Variants in BCL6 observed in about 807,000 individuals in gnomAD.
BCL6 encodes the protein B-cell lymphoma 6 protein.
A neutral mutation model predicts 59.5 loss-of-function variants in BCL6; 7 were observed. That is an observed-to-expected ratio of 0.12 (90% CI 0.07 to 0.22). The LOEUF (loss-of-function observed/expected upper bound fraction) is 0.22, where lower values mean the gene tolerates loss of function less well. Among genes scored for constraint, BCL6 ranks in the 10% least tolerant of loss-of-function variants. BCL6 has a pLI of 1.00. For missense variants in BCL6, 685 were observed against 939.4 expected, an observed-to-expected ratio of 0.73 and a Z score of 3.54; for synonymous variants, 339 against 349.7, an observed-to-expected ratio of 0.97 and a Z score of 0.34.
intron 1 of BCL6, among the ~76,000 whole-genome samples, chr3:187,738,331 C>G (rs569296975): frequency 6.6e-6 from 1 of 152,320 alleles, no homozygotes; most frequent in East Asian, 1.9e-4. Flanking sequence ...GGCTGAGGGT[C>G]TCCATCATAG....
intron 6 of BCL6, among the ~76,000 whole-genome samples, chr3:187,728,014 T>G (rs890231877): frequency 6.6e-6 from 1 of 152,140 alleles, no homozygotes; most frequent in Non-Finnish European, 1.5e-5. Flanking sequence ...GAGAATAACA[T>G]GCACACAGGT....
intron 1 of BCL6, among the ~76,000 whole-genome samples, 156 bp downstream of exon 1, chr3:187,745,254 A>C (rs537305025): frequency 1.3e-5 from 2 of 152,268 alleles, no homozygotes; most frequent in South Asian, 2.1e-4. Context: ...ATACACATAG[A>C]AAACTTGGAG....
Position 187,732,067 on chromosome 3 carries a change from T to C in BCL6, c.162-137A>G, listed in dbSNP as rs1719074501. ...GGTAATTAATAATAGCTGCTATTTA[T>C]GGAGAGCTTACCAAATGTCAGGAGT... On this transcript the variant is annotated intron_variant, in intron 3 of 9. Coordinates refer to ENST00000406870, the MANE Select transcript of BCL6 (RefSeq NM_001706.5). 3 of 733,198 alleles carry C rather than the reference T, an allele frequency of 4.1e-6. No homozygotes were observed. In the East Asian group the frequency reaches 8.1e-5, roughly 20 times the overall value. The allele number at this position is 733,198 out of a possible 1,614,324, so 45.4% of individuals were successfully genotyped here. A position where few individuals can be genotyped will look rare whatever the true frequency, so the allele number is the denominator to read the frequency against.
chr3:187,737,382 A>AT (rs1719337098), intron 1 of BCL6: 1 of 125,830 alleles, frequency 7.9e-6, no homozygotes, highest in African/African-American at 3.1e-5. Flanking sequence ...AGAGAGAGAG[A>AT]GAGAGAGAGA....
Position 187,733,571 on chromosome 3 carries a change from C to T in BCL6, c.123G>A (p.Glu41=). The T allele has an allele frequency of 6.2e-7, 1 of 1,614,094 alleles. No homozygotes were observed. Among genetic ancestry groups the T allele is most frequent in the Non-Finnish European group, 8.5e-7 (1 of 1,180,028 alleles). ...LTDVVIVVSR[E]QFRAHKTVLM... The stretch of plus-strand genomic sequence containing the variant: ...GGACCGTTTTATGGGCTCTAAACTG[C>T]TCACGGCTCACAACAATGACAACAT... Residue 41 remains glutamate (E), a synonymous_variant, in exon 3 of 10, where the codon GAG becomes GAA. Transcript: ENST00000406870.
chr3:187,721,616 T>A lies in BCL6; in HGVS notation c.*842A>T. On this transcript the variant is annotated 3_prime_UTR_variant, in exon 10 of 10. Transcript: ENST00000406870. This position sits in a 1 kb window ranked among gnomAD's most constrained non-coding sequence, Gnocchi z 4.2. ...GCTCGCCCATCATTGAAAACTTCCGTGAAAAAAGGCACCGTGAGGACACGT... is the reference window on the plus strand; with the variant it reads ...GCTCGCCCATCATTGAAAACTTCCGAGAAAAAAGGCACCGTGAGGACACGT... 4.3e-6 allele frequency: 1 copy of A among 233,020 alleles called. No individual in the cohort carries two copies. The highest frequency in any genetic ancestry group is 8.5e-6 in the Non-Finnish European group (1 of 117,670). The allele number at this position is 233,020 out of a possible 1,614,324, so 14.4% of individuals were successfully genotyped here.
chr3:187,742,479 G>A (rs766524601), intron 1 of BCL6, among the ~76,000 whole-genome samples: 8 of 152,184 alleles, frequency 5.3e-5, no homozygotes, highest in Non-Finnish European at 1.0e-4. Context: ...AGGGGCAATT[G>A]GAGAATTCCC....
In BCL6 at chr3:187,729,535, A is replaced by G. The variant is rs1160935698; in HGVS notation, c.870T>C (p.Asn290=). The G allele has an allele frequency of 6.2e-7, 1 of 1,613,876 alleles. No homozygotes were observed. The highest frequency in any genetic ancestry group is 1.7e-5 in the Admixed American group (1 of 60,006). ...CCTTGTCACAAGGGAAGTAGGGGGCATTTCGGGCTGAGGGGGCAGCAGGTT... is the reference window on the plus strand; with the variant it reads ...CCTTGTCACAAGGGAAGTAGGGGGCGTTTCGGGCTGAGGGGGCAGCAGGTT... The part of the protein sequence containing the change: ...GLKPAAPSAR[N]APYFPCDKAS... Residue 290 remains asparagine, a synonymous_variant, in exon 5 of 10, where the codon AAT becomes AAC. Transcript: ENST00000406870. The surrounding 1 kb of genome is among the most constrained non-coding windows in gnomAD (Gnocchi z 5.6).
rs764849942 is a variant in BCL6, at chr3:187,733,703, A to G, written c.-10T>C. 46 of 1,613,796 alleles carry G rather than the reference A, an allele frequency of 2.9e-5. No homozygotes were observed. Among genetic ancestry groups the G allele is most frequent in the Non-Finnish European group, 3.9e-5 (46 of 1,179,900 alleles). On this transcript the variant is annotated splice_region_variant and 5_prime_UTR_variant, in exon 3 of 10. Transcript: ENST00000406870. ...CAGCCGGCGAGGCCATTTTGTCTTC[A>G]CTTGAAAAAAGAGGCCAAAATCCTG...
intron 1 of BCL6, among the ~76,000 whole-genome samples, chr3:187,738,734 C>T (rs1719405251): frequency 6.6e-6 from 1 of 152,206 alleles, no homozygotes; most frequent in African/African-American, 2.4e-5. Context: ...TGGCGTCACA[C>T]TGCGCCGCTC....
chr3:187,744,823 A>T (rs573214132), intron 1 of BCL6, among the ~76,000 whole-genome samples: 2 of 152,250 alleles, frequency 1.3e-5, no homozygotes, highest in African/African-American at 4.8e-5. Flanking sequence ...CAAGGAAAGC[A>T]GTTTGCAAGC....
Position 187,729,373 on chromosome 3 carries a change from G to A in BCL6, c.1032C>T (p.Pro344=). The part of the protein sequence containing the change: ...PQKSDCQPNS[P]TESCSSKNAC... ...CATTCTTACTGCTGCAGGACTCTGTGGGCGAGTTGGGCTGGCAGTCAGATT... is the reference window on the plus strand; with the variant it reads ...CATTCTTACTGCTGCAGGACTCTGTAGGCGAGTTGGGCTGGCAGTCAGATT... The change falls in exon 5 of 10, where the codon CCC becomes CCT. Residue 344 remains proline (P), a synonymous_variant. Coordinates refer to ENST00000406870, the MANE Select transcript of BCL6 (RefSeq NM_001706.5). The surrounding 1 kb of genome is among the most constrained non-coding windows in gnomAD (Gnocchi z 5.6). 6.2e-7 allele frequency: 1 copy of A among 1,613,666 alleles called. No individual in the cohort carries two copies. The highest frequency in any genetic ancestry group is 8.5e-7 in the Non-Finnish European group (1 of 1,179,908).
chr3:187,725,718 C>T lies in BCL6; in HGVS notation c.1709-89G>A, dbSNP rs1718656827. The T allele has an allele frequency of 1.3e-6, 2 of 1,521,306 alleles. No individual in the cohort carries two copies. Among genetic ancestry groups the T allele is most frequent in the East Asian group, 2.3e-5 (1 of 44,196 alleles). 94.2% of individuals were successfully genotyped at this position (1,521,306 alleles called of 1,614,324 possible). A position where few individuals can be genotyped will look rare whatever the true frequency, so the allele number is the denominator to read the frequency against. On this transcript the variant is annotated intron_variant, in intron 7 of 9. Transcript: ENST00000406870. The surrounding 1 kb of genome is among the most constrained non-coding windows in gnomAD (Gnocchi z 4.7). Reference sequence around the variant, plus strand: ...GGCTCCTGGATTTCTAAGCAGCCTGCTCCTCCCTGAGGCCACTTGTGTTTT... The same window carrying T: ...GGCTCCTGGATTTCTAAGCAGCCTGTTCCTCCCTGAGGCCACTTGTGTTTT...
Position 187,729,760 on chromosome 3 carries a change from A to G in BCL6, c.645T>C (p.Asp215=), listed in dbSNP as rs759414976. 2 of 1,614,056 alleles carry G rather than the reference A, an allele frequency of 1.2e-6. No homozygotes were observed. Among genetic ancestry groups the G allele is most frequent in the African/African-American group, 2.7e-5 (2 of 74,936 alleles). Residue 215 remains aspartate (D), a synonymous_variant, in exon 5 of 10, where the codon GAT becomes GAC. Transcript: ENST00000406870. The surrounding 1 kb of genome is among the most constrained non-coding windows in gnomAD (Gnocchi z 5.6). ...SLLFSDEEFR[D]VRMPVANPFP... ...AGGGGTTGGCCACAGGCATCCGGACATCCCGAAACTCCTCATCGGAGAAGA... is the reference window on the plus strand; with the variant it reads ...AGGGGTTGGCCACAGGCATCCGGACGTCCCGAAACTCCTCATCGGAGAAGA...
chr3:187,745,306 G>T (rs553302598), intron 1 of BCL6, 104 bp downstream of exon 1: 1 of 399,654 alleles, frequency 2.5e-6, no homozygotes, highest in Admixed American at 4.4e-5. Context: ...GAATTAAAAG[G>T]TAAAATAATG....
intron 7 of BCL6, among the ~76,000 whole-genome samples, chr3:187,726,294 G>A (rs547641331): frequency 1.3e-5 from 2 of 152,270 alleles, no homozygotes; most frequent in Admixed American, 6.5e-5. Flanking sequence ...GGCCATTTAC[G>A]GTACTAAGAG....
At chr3:187,724,880 C>T in intron 9 of BCL6, 61 bp downstream of exon 9, 1 of 1,607,318 alleles carries the variant, frequency 6.2e-7, no homozygotes, top group South Asian at 1.1e-5. Context: ...CTGCGCTCCA[C>T]CTCCTTCCCT....
Position 187,731,792 on chromosome 3 carries a change from G to A in BCL6, c.300C>T (p.Gly100=). The change falls in exon 4 of 10, where the codon GGC becomes GGT. Residue 100 remains glycine (G), a synonymous_variant. Coordinates refer to ENST00000406870, the MANE Select transcript of BCL6 (RefSeq NM_001706.5). ...CCGTGGCCATCACAGCCATGATGTTGCCCTCCCGCAAATTGAGCCGAGATG... is the reference window on the plus strand; with the variant it reads ...CCGTGGCCATCACAGCCATGATGTTACCCTCCCGCAAATTGAGCCGAGATG... ...MYTSRLNLRE[G]NIMAVMATAM... 2 of 1,614,152 alleles carry A rather than the reference G, an allele frequency of 1.2e-6. No individual in the cohort carries two copies. Among genetic ancestry groups the A allele is most frequent in the Non-Finnish European group, 1.7e-6 (2 of 1,180,044 alleles).
At chr3:187,745,243 GATACAC>G in intron 1 of BCL6, among the ~76,000 whole-genome samples, 161 bp downstream of exon 1, 1 of 151,944 alleles carries the variant, frequency 6.6e-6, no homozygotes, top group East Asian at 1.9e-4. Flanking sequence ...TATATCAATA[GATACAC>G]ATAGAAAACT....
Sources: allele counts gnomAD v4.1 joint callset (sites outside exome capture counted in the v4.1 genomes callset), GRCh38; gene constraint gnomAD v4.1.1; non-coding constraint Gnocchi (gnomAD v3.1); transcripts MANE v1.5; gene names NCBI Gene and HGNC (gene_info 2026-07-23, HGNC 2026-07-21).